The following IL1R2 variants were observed in gnomAD, a reference collection of about 807,000 sequenced individuals.
The protein encoded by IL1R2 is interleukin-1 receptor type 2.
Under a neutral mutation model 39.5 loss-of-function variants are expected in IL1R2, and 46 were observed. The ratio of observed to expected loss-of-function variants is 1.16; its 90% CI spans 0.92 to 1.49. The LOEUF (loss-of-function observed/expected upper bound fraction) is 1.49, where lower values mean the gene tolerates loss of function less well. IL1R2 is among the 40% of genes most tolerant of loss of function. The probability of loss-of-function intolerance (pLI) is 0.00; values close to 1 mark genes in which losing one functional copy is unlikely to be tolerated. For missense variants in IL1R2, 537 were observed against 502.0 expected (o/e 1.07, Z -0.67); for synonymous variants, 207 against 189.6 (o/e 1.09, Z -0.75).
intron 1 of IL1R2, among the ~76,000 whole-genome samples, chr2:101,999,341 C>A (rs538579879): frequency 1.3e-5 from 2 of 152,266 alleles, no homozygotes; most frequent in African/African-American, 4.8e-5. Context: ...CCAACCGCTG[C>A]TCTAATGCCA....
At chr2:102,026,005 A>T (rs867025694) in intron 7 of IL1R2, 106 bp from the exon 8 acceptor site, 14 of 851,986 alleles carry the variant, frequency 1.6e-5, no homozygotes, top group Non-Finnish European at 2.5e-5. Context: ...GAAAACAATA[A>T]AAGCGCAATG....
chr2:102,000,543 C>G (rs554430873), intron 1 of IL1R2, among the ~76,000 whole-genome samples: 3 of 152,294 alleles, frequency 2.0e-5, no homozygotes, highest in African/African-American at 7.2e-5. Context: ...GCAGACATTT[C>G]TAATTATGGA....
intron 2 of IL1R2, among the ~76,000 whole-genome samples, chr2:102,009,256 A>G (rs1425021517): frequency 6.6e-6 from 1 of 152,142 alleles, no homozygotes; most frequent in Non-Finnish European, 1.5e-5. Context: ...CTATGGCCAT[A>G]GTTTTTAATC....
intron 3 of IL1R2, 130 bp from the exon 4 acceptor site, chr2:102,015,741 G>A (rs1676954626): frequency 1.4e-6 from 1 of 719,318 alleles, no homozygotes; most frequent in Non-Finnish European, 2.3e-6. Context: ...CTTATGTCGG[G>A]AAACCATCTG....
intron 7 of IL1R2, among the ~76,000 whole-genome samples, chr2:102,025,245 A>T (rs2150463371): frequency 6.6e-6 from 1 of 152,252 alleles, no homozygotes; most frequent in East Asian, 1.9e-4. Context: ...ACCATTCAAC[A>T]TTCCAAATTG....
intron 1 of IL1R2, among the ~76,000 whole-genome samples, chr2:102,005,382 C>T (rs1676195459): frequency 6.6e-6 from 1 of 152,184 alleles, no homozygotes; most frequent in South Asian, 2.1e-4. Context: ...CTGACAGTAC[C>T]TGGCAGGGCT....
At chr2:101,994,179 C>A (rs948911620) in intron 1 of IL1R2, among the ~76,000 whole-genome samples, 1 of 152,158 alleles carries the variant, frequency 6.6e-6, no homozygotes, top group Non-Finnish European at 1.5e-5. Flanking sequence ...ATCCTCTCTC[C>A]CGGGGTCTTC....
At chr2:102,003,211 T>A (rs543820158) in intron 1 of IL1R2, among the ~76,000 whole-genome samples, 1 of 151,064 alleles carries the variant, frequency 6.6e-6, no homozygotes, top group African/African-American at 2.4e-5. Flanking sequence ...TCTATGTCTA[T>A]ATCTGTGTCT....
chr2:102,002,958 CTGTGTCTGTGTT>C (rs1675994116), intron 1 of IL1R2, among the ~76,000 whole-genome samples: 1 of 151,204 alleles, frequency 6.6e-6, no homozygotes, highest in African/African-American at 2.4e-5. Flanking sequence ...GTGCCTATGT[CTGTGTCTGTGTT>C]TGTGTCTGTG....
intron 1 of IL1R2, among the ~76,000 whole-genome samples, chr2:101,993,464 A>G (rs1675442115): frequency 1.3e-5 from 2 of 152,194 alleles, no homozygotes; most frequent in Non-Finnish European, 2.9e-5. Flanking sequence ...GGCCCAGATC[A>G]GACACCTGAG....
At position 102,026,148 on chromosome 2, in the gene IL1R2, C is replaced by T. The variant is rs566880360; in HGVS notation, c.925C>T (p.Pro309Ser). The change falls in exon 8 of 9, where the codon CCA becomes TCA. Residue 309 changes from proline to serine, a missense_variant. Transcript: ENST00000332549. ...SENNENYIEV[P>S]LIFDPVTRED... ...AAATAATGAGAACTACATTGAAGTGCCATTGATTTTTGATCCTGTCACAAG... is the reference window on the plus strand; with the variant it reads ...AAATAATGAGAACTACATTGAAGTGTCATTGATTTTTGATCCTGTCACAAG... 4.4e-6 allele frequency: 7 copies of T among 1,608,364 alleles called. No homozygotes were observed. The African/African-American group carries it at 8.0e-5, about 18-fold the overall frequency.
At chr2:102,019,294 A>C (rs2150451440) in intron 4 of IL1R2, among the ~76,000 whole-genome samples, 1 of 152,328 alleles carries the variant, frequency 6.6e-6, no homozygotes, top group South Asian at 2.1e-4. Flanking sequence ...CTCTTCCCAG[A>C]TACTTCCTAA....
At chr2:102,020,082 T>A (rs559786838) in intron 5 of IL1R2, among the ~76,000 whole-genome samples, 75 of 152,162 alleles carry the variant, frequency 4.9e-4, no homozygotes, top group African/African-American at 1.7e-3. Flanking sequence ...CTCAAGAGAG[T>A]CAAACAGTGG....
At chr2:102,002,729 C>CTATGT (rs1675955645) in intron 1 of IL1R2, among the ~76,000 whole-genome samples, 1 of 20,158 alleles carries the variant, frequency 5.0e-5, no homozygotes, top group Non-Finnish European at 1.5e-4. Context: ...TATGCCTATG[C>CTATGT]CTATGTCTAT....
intron 3 of IL1R2, among the ~76,000 whole-genome samples, chr2:102,013,242 G>T (rs1250952706): frequency 2.0e-5 from 3 of 152,120 alleles, no homozygotes; most frequent in Non-Finnish European, 2.9e-5. Flanking sequence ...ATGATGGGAA[G>T]GTTTACCTGG....
chr2:102,009,747 C>G lies in IL1R2; in HGVS notation c.253C>G (p.Arg85Gly). The change falls in exon 3 of 9, where the codon CGG becomes GGG. Residue 85 changes from arginine (R) to glycine (G), a missense_variant. Transcript: ENST00000332549. Reference protein sequence around the residue: ...ARTVPGEEETRMWAQDGALWL... With the variant: ...ARTVPGEEETGMWAQDGALWL... ...GACGGTCCCAGGAGAAGAAGAGACA[C>G]GGATGTGGGCCCAGGACGGTGCTCT... The G allele has an allele frequency of 6.2e-7, 1 of 1,614,188 alleles. No individual in the cohort carries two copies. The highest frequency in any genetic ancestry group is 8.5e-7 in the Non-Finnish European group (1 of 1,180,036).
rs1350450885 is a variant in IL1R2 at position 102,019,822 on chromosome 2, T to G, written c.688+10T>G. 2.5e-6 allele frequency: 4 copies of G among 1,609,760 alleles called. No homozygotes were observed. In the Admixed American group the frequency reaches 5.0e-5, roughly 20 times the overall value. ...GAGCTACGCATCAAGAGTAAGTACT[T>G]GCCATTGAGGCACCTATCTATCCTG... On this transcript the variant is annotated intron_variant, in intron 5 of 8. Coordinates refer to ENST00000332549, the MANE Select transcript of IL1R2 (RefSeq NM_004633.4).
chr2:101,998,795 G>A (rs1675708798), intron 1 of IL1R2, among the ~76,000 whole-genome samples: 1 of 152,236 alleles, frequency 6.6e-6, no homozygotes, highest in Non-Finnish European at 1.5e-5. Context: ...TTCCAAGGAA[G>A]CCAGGCAGAA....
chr2:102,016,121 T>C, intron 4 of IL1R2, 70 bp downstream of exon 4: 1 of 1,201,226 alleles, frequency 8.3e-7, no homozygotes, highest in Non-Finnish European at 1.2e-6. Context: ...AAGAAAGACT[T>C]AAAATATCGA....
Sources: gnomAD v4.1 joint callset for allele counts (sites outside exome capture counted in the v4.1 genomes callset) on GRCh38, gnomAD v4.1.1 for gene constraint, MANE v1.5 for transcripts, NCBI Gene and HGNC (gene_info 2026-07-23, HGNC 2026-07-21) for gene names.